The following NPFFR2 variants were observed in gnomAD, a reference collection of about 807,000 sequenced individuals.
The protein encoded by NPFFR2 is G-protein coupled receptor 74.
NPFFR2 carries 15 observed loss-of-function variants against 13.1 expected under a neutral mutation model. The observed-to-expected ratio is 1.15, with a 90% CI of 0.77 to 1.76. NPFFR2 has a LOEUF of 1.76. NPFFR2 is among the 40% of genes most tolerant of loss of function. The pLI, the probability that NPFFR2 is intolerant of heterozygous loss-of-function variation, is 0.00. For missense variants in NPFFR2, 572 were observed against 503.5 expected (o/e 1.14, Z -1.30); for synonymous variants, 190 against 175.7 (o/e 1.08, Z -0.65).
intron 1 of NPFFR2, among the ~76,000 whole-genome samples, chr4:72,038,901 CTTTCTTTTT>C (rs1394061061): frequency 6.9e-5 from 6 of 86,916 alleles, no homozygotes; most frequent in Non-Finnish European, 1.3e-4. Flanking sequence ...TTTAAATTTC[CTTTCTTTTT>C]TTTTTTTTTT....
Position 72,138,252 on chromosome 4 carries a change from A to G in NPFFR2, c.428+113A>G, listed in dbSNP as rs142515523. On this transcript the variant is annotated intron_variant, in intron 3 of 3. Transcript: ENST00000308744. ...CATATCTTTTCAAATTGTATTCACAATATCTACCTCTTTTTTTAAATTATT... is the reference window on the plus strand; with the variant it reads ...CATATCTTTTCAAATTGTATTCACAGTATCTACCTCTTTTTTTAAATTATT... 6.3e-3 allele frequency: 4,216 copies of G among 673,230 alleles called. 15 individuals are homozygous for G. Among genetic ancestry groups the G allele is most frequent in the Non-Finnish European group, 9.5e-3 (3,624 of 382,264 alleles). 41.7% of individuals were successfully genotyped at this position (673,230 alleles called of 1,614,324 possible).
chr4:72,061,371 A>C (rs1438191235), intron 1 of NPFFR2, among the ~76,000 whole-genome samples: 2 of 152,180 alleles, frequency 1.3e-5, no homozygotes, highest in East Asian at 3.9e-4. Context: ...ATATTAGAGA[A>C]AAGCTGAGAC....
intron 1 of NPFFR2, among the ~76,000 whole-genome samples, chr4:72,095,156 G>T (rs1721027695): frequency 6.6e-6 from 1 of 152,104 alleles, no homozygotes; most frequent in African/African-American, 2.4e-5. Flanking sequence ...TTTTCAGAAG[G>T]ATAGTAAGAA....
chr4:72,038,901 C>CTTTTTTTTTTTTTTTTT lies in NPFFR2; in HGVS notation c.-8+6704_-8+6705insTTTTTTTTTTTTTTTTT, dbSNP rs34623356. ...TTTTAATTCTTGATTTTTAAATTTC[C>CTTTTTTTTTTTTTTTTT]TTTCTTTTTTTTTTTTTTTTTTTTT... On this transcript the variant is annotated intron_variant, in intron 1 of 3. Transcript: ENST00000308744. Among the ~76,000 whole-genome samples the CTTTTTTTTTTTTTTTTT allele has an allele frequency of 5.8e-5, 5 of 86,918 alleles. 1 individual carries two copies. The highest frequency in any genetic ancestry group is 6.7e-5 in the Non-Finnish European group (3 of 44,612). The allele number at this position is 86,918 out of a possible 152,430, so 57.0% of individuals were successfully genotyped here. A position where few individuals can be genotyped will look rare whatever the true frequency, so the allele number is the denominator to read the frequency against.
intron 1 of NPFFR2, among the ~76,000 whole-genome samples, chr4:72,079,573 A>C (rs1015018491): frequency 6.6e-6 from 1 of 152,202 alleles, no homozygotes; most frequent in African/African-American, 2.4e-5. Context: ...AATAGGAGGA[A>C]ATCTTTGTGA....
intron 3 of NPFFR2, among the ~76,000 whole-genome samples, chr4:72,140,070 G>T (rs1042624026): frequency 1.1e-4 from 17 of 152,084 alleles, no homozygotes; most frequent in African/African-American, 4.1e-4. Flanking sequence ...TCTGTTATTG[G>T]TGTATAGGAA....
chr4:72,109,742 C>T (rs1280296832), intron 1 of NPFFR2, among the ~76,000 whole-genome samples: 1 of 151,892 alleles, frequency 6.6e-6, no homozygotes, highest in African/African-American at 2.4e-5. Flanking sequence ...AATGCCCATT[C>T]CCTTGACAAC....
chr4:72,131,630 A>T (rs1240896560), intron 2 of NPFFR2, among the ~76,000 whole-genome samples: 2 of 152,348 alleles, frequency 1.3e-5, no homozygotes, highest in South Asian at 2.1e-4. Flanking sequence ...AACATTTAAC[A>T]TTATAACATT....
At position 72,147,499 on chromosome 4, in the gene NPFFR2, T is replaced by C. The variant is rs769611956; in HGVS notation, c.950T>C (p.Phe317Ser). The change falls in exon 4 of 4, where the codon TTT becomes TCT. Residue 317 changes from phenylalanine to serine, a missense_variant. Transcript: ENST00000308744. ...LQIINIYIYP[F>S]AHWLAFGNSS... Reference sequence around the variant, plus strand: ...ATCATCAACATCTACATCTACCCTTTTGCACACTGGCTGGCATTCGGCAAC... The same window carrying C: ...ATCATCAACATCTACATCTACCCTTCTGCACACTGGCTGGCATTCGGCAAC... 9 of 1,614,200 alleles carry C rather than the reference T, an allele frequency of 5.6e-6. No homozygotes were observed. In the East Asian group the frequency reaches 2.0e-4, roughly 36 times the overall value.
chr4:72,052,611 C>T (rs1207627397), intron 1 of NPFFR2, among the ~76,000 whole-genome samples: 1 of 152,076 alleles, frequency 6.6e-6, no homozygotes, highest in Non-Finnish European at 1.5e-5. Flanking sequence ...TCTCACACCA[C>T]TCCTATTCTT....
intron 1 of NPFFR2, among the ~76,000 whole-genome samples, chr4:72,083,191 CT>C (rs1720678975): frequency 6.6e-6 from 1 of 152,078 alleles, no homozygotes; most frequent in South Asian, 2.1e-4. Flanking sequence ...ATTTAATTTC[CT>C]TTGACTCTAT....
chr4:72,066,157 C>T (rs1368404527), intron 1 of NPFFR2, among the ~76,000 whole-genome samples: 1 of 152,112 alleles, frequency 6.6e-6, no homozygotes, highest in Non-Finnish European at 1.5e-5. Context: ...CAAGATGGCA[C>T]CTTGTTGCTG....
At chr4:72,070,011 G>T (rs756831828) in intron 1 of NPFFR2, among the ~76,000 whole-genome samples, 6 of 151,988 alleles carry the variant, frequency 3.9e-5, no homozygotes, top group Non-Finnish European at 7.4e-5. Flanking sequence ...ACTAATATTA[G>T]TCTAATATAT....
At chr4:72,042,746 G>A (rs1719258818) in intron 1 of NPFFR2, among the ~76,000 whole-genome samples, 1 of 152,176 alleles carries the variant, frequency 6.6e-6, no homozygotes, top group South Asian at 2.1e-4. Flanking sequence ...TCTGGCAGAA[G>A]AAATTTCTAT....
Position 72,147,316 on chromosome 4 carries a change from G to C in NPFFR2, c.767G>C (p.Arg256Thr), listed in dbSNP as rs1722815820. ...AGGGCTGCAGTTCCTCACACAGGCA[G>C]GAAGAACCAGGAGCAGTGGCACGTG... Reference protein sequence around the residue: ...LFRAAVPHTGRKNQEQWHVVS... With the variant: ...LFRAAVPHTGTKNQEQWHVVS... The change falls in exon 4 of 4, where the codon AGG becomes ACG. Residue 256 changes from arginine (R) to threonine (T), a missense_variant. By Grantham distance (71) the Arg-to-Thr change is moderately conservative. Transcript: ENST00000308744. The C allele has an allele frequency of 6.2e-7, 1 of 1,614,032 alleles. No individual in the cohort carries two copies. Among genetic ancestry groups the C allele is most frequent in the Non-Finnish European group, 8.5e-7 (1 of 1,180,032 alleles).
At position 72,147,470 on chromosome 4, in the gene NPFFR2, G is replaced by A; in HGVS notation, c.921G>A (p.Leu307=). ...SDYADLSPNE[L]QIINIYIYPF... ...ACGCTGACCTTTCTCCAAATGAACT[G>A]CAGATCATCAACATCTACATCTACC... Residue 307 remains leucine, a synonymous_variant, in exon 4 of 4, where the codon CTG becomes CTA. Coordinates refer to ENST00000308744, the MANE Select transcript of NPFFR2 (RefSeq NM_004885.3). 1 of 1,614,140 alleles carries A rather than the reference G, an allele frequency of 6.2e-7. No individual in the cohort carries two copies.
intron 1 of NPFFR2, among the ~76,000 whole-genome samples, chr4:72,038,198 G>A (rs1003741191): frequency 7.2e-5 from 11 of 152,064 alleles, no homozygotes; most frequent in African/African-American, 2.7e-4. Flanking sequence ...ATTTCATCTC[G>A]GGTCTGGAAT....
chr4:72,070,574 G>GTGTGTGTGTGTGTGT (rs1375276375), intron 1 of NPFFR2, among the ~76,000 whole-genome samples: 3 of 2,610 alleles, frequency 1.1e-3, no homozygotes, highest in African/African-American at 2.8e-3. Context: ...GGGGGGGGGT[G>GTGTGTGTGTGTGTGT]GGGCTCTGGT....
At chr4:72,042,241 G>A (rs888415704) in intron 1 of NPFFR2, among the ~76,000 whole-genome samples, 3 of 152,124 alleles carry the variant, frequency 2.0e-5, no homozygotes, top group African/African-American at 7.2e-5. Context: ...AGAAGGAAAT[G>A]TTTGCTTCCC....
Sources: allele counts gnomAD v4.1 joint callset (sites outside exome capture counted in the v4.1 genomes callset), GRCh38; gene constraint gnomAD v4.1.1; transcripts MANE v1.5; gene names NCBI Gene and HGNC (gene_info 2026-07-23, HGNC 2026-07-21).